The following ANKS1B variants were observed in gnomAD, a reference collection of about 807,000 sequenced individuals.
The protein encoded by ANKS1B is ankyrin repeat and sterile alpha motif domain-containing protein 1B.
In ANKS1B, 36 loss-of-function variants were observed where a neutral mutation model predicts 148.3. The observed-to-expected ratio is 0.24, with a 90% CI of 0.19 to 0.32. ANKS1B has a LOEUF of 0.32. Among genes scored for constraint, ANKS1B ranks in the 10% least tolerant of loss-of-function variants. The probability of loss-of-function intolerance (pLI) is 1.00; values close to 1 mark genes in which losing one functional copy is unlikely to be tolerated. For synonymous variants in ANKS1B, 542 were observed against 560.8 expected (o/e 0.97, Z 0.47); for missense variants, 1,157 against 1,542.6 (o/e 0.75, Z 4.19).
At chr12:98,911,388 T>C (rs1186253157) in intron 17 of ANKS1B, among the ~76,000 whole-genome samples, 1 of 152,186 alleles carries the variant, frequency 6.6e-6, no homozygotes, top group African/African-American at 2.4e-5. Context: ...TGTATGGCCC[T>C]GAGAAACTAA....
chr12:99,443,770 C>G lies in ANKS1B; in HGVS notation c.1478G>C (p.Ser493Thr). Residue 493 changes from serine to threonine, a missense_variant, in exon 11 of 27, where the codon AGT becomes ACT. By Grantham distance (58) the Ser-to-Thr change is moderately conservative (BLOSUM62 1). This residue lies in a region of ANKS1B where 661 missense variants were observed against 642.1 expected (regional missense o/e 1.03). Coordinates refer to ENST00000683438, the MANE Select transcript of ANKS1B (RefSeq NM_001352186.2). ...GCCTGTTGAGCTGTTTCTATGGTTA[C>G]TAGTTCCTGGAGTAGTAACTGCTAC... ...SEVAVTTPGTSNHRNSSTGPT... is the reference protein window; with the variant it reads ...SEVAVTTPGTTNHRNSSTGPT... 1.2e-6 allele frequency: 2 copies of G among 1,611,726 alleles called. No individual in the cohort carries two copies. Among genetic ancestry groups the G allele is most frequent in the Non-Finnish European group, 1.7e-6 (2 of 1,178,552 alleles).
At chr12:99,938,231 C>A (rs2094829528) in intron 1 of ANKS1B, among the ~76,000 whole-genome samples, 1 of 152,184 alleles carries the variant, frequency 6.6e-6, no homozygotes, top group Admixed American at 6.5e-5. Flanking sequence ...CAGGACGATT[C>A]TAGTTGCTGA....
intron 8 of ANKS1B, among the ~76,000 whole-genome samples, chr12:99,718,826 A>G (rs1263151671): frequency 3.3e-5 from 5 of 152,156 alleles, no homozygotes; most frequent in Admixed American, 1.3e-4. Flanking sequence ...CCTGACACCC[A>G]TCAGGCTCAG....
intron 1 of ANKS1B, among the ~76,000 whole-genome samples, chr12:99,867,486 A>G (rs2090916412): frequency 6.6e-6 from 1 of 152,200 alleles, no homozygotes; most frequent in Non-Finnish European, 1.5e-5. Flanking sequence ...CCTCACAATC[A>G]TGGTAGAGGG....
intron 10 of ANKS1B, among the ~76,000 whole-genome samples, chr12:99,482,726 T>G (rs1262474765): frequency 6.6e-6 from 1 of 152,176 alleles, no homozygotes; most frequent in African/African-American, 2.4e-5. Context: ...ATCTTTCACC[T>G]TCTTGGTTAA....
intron 25 of ANKS1B, among the ~76,000 whole-genome samples, chr12:98,756,062 C>T (rs1472905597): frequency 1.3e-5 from 2 of 152,310 alleles, no homozygotes; most frequent in Non-Finnish European, 1.5e-5. Flanking sequence ...AAAAGTCTCA[C>T]CATCCTGGCT....
At chr12:99,485,049 G>C (rs1377437365) in intron 10 of ANKS1B, among the ~76,000 whole-genome samples, 1 of 151,634 alleles carries the variant, frequency 6.6e-6, no homozygotes, top group East Asian at 1.9e-4. Flanking sequence ...GTGAGATTCT[G>C]TTCTCTTCAT....
At chr12:99,499,028 G>T (rs114697437) in intron 10 of ANKS1B, among the ~76,000 whole-genome samples, 1 of 152,072 alleles carries the variant, frequency 6.6e-6, no homozygotes, top group African/African-American at 2.4e-5. Flanking sequence ...AATCAACAGA[G>T]GAAAAAATGC....
chr12:98,784,680 A>G (rs2153528462), intron 22 of ANKS1B, among the ~76,000 whole-genome samples: 1 of 152,358 alleles, frequency 6.6e-6, no homozygotes, highest in East Asian at 1.9e-4. Flanking sequence ...AGGTCAGGAC[A>G]CAGCTCTTGA....
intron 9 of ANKS1B, among the ~76,000 whole-genome samples, chr12:99,640,709 T>C (rs1159479761): frequency 6.6e-6 from 1 of 152,142 alleles, no homozygotes; most frequent in African/African-American, 2.4e-5. Context: ...AAGACAGGTA[T>C]GGATTGAAAT....
chr12:99,404,038 G>C (rs1012468047), intron 11 of ANKS1B, among the ~76,000 whole-genome samples: 6 of 146,308 alleles, frequency 4.1e-5, no homozygotes, highest in Non-Finnish European at 9.1e-5. Flanking sequence ...AACATGGTTG[G>C]AGACCGAGGC....
At chr12:99,898,165 C>A (rs969219196) in intron 1 of ANKS1B, among the ~76,000 whole-genome samples, 14 of 152,130 alleles carry the variant, frequency 9.2e-5, no homozygotes, top group African/African-American at 3.4e-4. Context: ...GTTTGGACAA[C>A]TAGTAAATAT....
chr12:99,363,673 A>G (rs1259131251), intron 12 of ANKS1B, among the ~76,000 whole-genome samples: 1 of 152,134 alleles, frequency 6.6e-6, no homozygotes, highest in Non-Finnish European at 1.5e-5. Flanking sequence ...AAAATTATAT[A>G]AGCTTCCGAC....
At chr12:99,933,467 A>G (rs10860543) in intron 1 of ANKS1B, among the ~76,000 whole-genome samples, 91,941 of 151,872 alleles carry the variant, frequency 0.61, 28,984 homozygotes, top group Middle Eastern at 0.69. Context: ...TCACTGTAGA[A>G]ATCTTTCACA....
At chr12:99,814,066 G>A (rs2068780274) in intron 2 of ANKS1B, among the ~76,000 whole-genome samples, 1 of 151,614 alleles carries the variant, frequency 6.6e-6, no homozygotes, top group African/African-American at 2.4e-5. Context: ...ACAGTATTCA[G>A]TACAGTAACA....
At chr12:99,190,186 A>G (rs901940471) in intron 14 of ANKS1B, among the ~76,000 whole-genome samples, 5 of 152,170 alleles carry the variant, frequency 3.3e-5, no homozygotes, top group African/African-American at 1.2e-4. Context: ...CAAGGAAATA[A>G]GAGAGAACAC....
At chr12:99,898,854 C>T (rs1192431929) in intron 1 of ANKS1B, among the ~76,000 whole-genome samples, 4 of 151,848 alleles carry the variant, frequency 2.6e-5, no homozygotes, top group South Asian at 2.1e-4. Context: ...ATGATGATGA[C>T]GACAACAACA....
At chr12:99,017,888 G>A (rs2099943484) in intron 17 of ANKS1B, among the ~76,000 whole-genome samples, 1 of 152,152 alleles carries the variant, frequency 6.6e-6, no homozygotes. Context: ...GGTTGAACTA[G>A]TCTCACTAGT....
At chr12:99,583,875 G>T (rs1363593295) in intron 9 of ANKS1B, among the ~76,000 whole-genome samples, 6 of 152,124 alleles carry the variant, frequency 3.9e-5, no homozygotes, top group Non-Finnish European at 8.8e-5. Context: ...TGTTATTAAT[G>T]CCATTTCTTC....
Sources: gnomAD v4.1 joint callset for allele counts (sites outside exome capture counted in the v4.1 genomes callset) on GRCh38, gnomAD v4.1.1 for gene constraint, gnomAD v4.1.1 regional missense constraint, MANE v1.5 for transcripts, NCBI Gene and HGNC (gene_info 2026-07-23, HGNC 2026-07-21) for gene names.